The following GRID2 variants were observed in gnomAD, a reference collection of about 807,000 sequenced individuals.
The protein encoded by GRID2 is glutamate ionotropic receptor delta type subunit 2.
Under a neutral mutation model 114.8 loss-of-function variants are expected in GRID2, and 33 were observed. That is an observed-to-expected ratio of 0.29 (90% CI 0.22 to 0.38). The LOEUF (loss-of-function observed/expected upper bound fraction) is 0.38. GRID2 is among the 10% of genes least tolerant of loss of function. GRID2 has a pLI of 1.00. For missense variants in GRID2, 1,184 were observed against 1,257.7 expected, an observed-to-expected ratio of 0.94 and a Z score of 0.89; for synonymous variants, 505 against 449.9, an observed-to-expected ratio of 1.12 and a Z score of -1.55.
chr4:92,538,908 G>C (rs975607058), intron 1 of GRID2, among the ~76,000 whole-genome samples: 2 of 152,064 alleles, frequency 1.3e-5, no homozygotes, highest in African/African-American at 2.4e-5. Flanking sequence ...CAGGCATGGT[G>C]GTGGGCACCT....
chr4:93,555,255 C>G (rs1339893554), intron 13 of GRID2, among the ~76,000 whole-genome samples: 1 of 152,120 alleles, frequency 6.6e-6, no homozygotes, highest in Non-Finnish European at 1.5e-5. Context: ...GCCAGCGAGA[C>G]AGAACCTTTC....
chr4:92,701,004 A>ACAAAAC (rs1184137591), intron 2 of GRID2, among the ~76,000 whole-genome samples: 3 of 151,784 alleles, frequency 2.0e-5, no homozygotes, highest in Non-Finnish European at 4.4e-5. Flanking sequence ...AAAAAAAAAA[A>ACAAAAC]AAAAAAGACA....
rs564961961 is a variant in GRID2, at chr4:92,987,667, T to C, written c.245-97328T>C. On this transcript the variant is annotated intron_variant, in intron 2 of 15. Coordinates refer to ENST00000282020, the MANE Select transcript of GRID2 (RefSeq NM_001510.4). ...TCCTATTGATGCTAGAAAAAGTAAT[T>C]ATAGTTTTTTCTTCTAATGAGATGA... Among the ~76,000 whole-genome samples, 76 of 152,108 alleles carry C rather than the reference T, an allele frequency of 5.0e-4. 2 individuals carry two copies. The South Asian group carries it at 6.2e-3, about 12-fold the overall frequency.
At position 93,039,420 on chromosome 4, in the gene GRID2, A is replaced by G. The variant is rs190014831; in HGVS notation, c.245-45575A>G. 3.1e-3 allele frequency among the ~76,000 whole-genome samples: 476 copies of G among 152,214 alleles called. 1 individual carries two copies. Among genetic ancestry groups the G allele is most frequent in the Non-Finnish European group, 4.4e-3 (302 of 68,014 alleles). On this transcript the variant is annotated intron_variant, in intron 2 of 15. Transcript: ENST00000282020. ...CACCATGGCACATGTATACCTATTT[A>G]ACAAACCTGCACATTCTGCACATGT...
At chr4:92,328,087 CAG>C (rs976743530) in intron 1 of GRID2, among the ~76,000 whole-genome samples, 2 of 151,814 alleles carry the variant, frequency 1.3e-5, no homozygotes, top group African/African-American at 4.8e-5. Flanking sequence ...AAGATAGAGA[CAG>C]GGAGAAATGT....
intron 2 of GRID2, among the ~76,000 whole-genome samples, chr4:92,638,036 A>G (rs1186364995): frequency 6.6e-6 from 1 of 151,894 alleles, no homozygotes; most frequent in African/African-American, 2.4e-5. Flanking sequence ...AAAACTCTCC[A>G]GTTTTATTTT....
intron 4 of GRID2, among the ~76,000 whole-genome samples, chr4:93,173,205 A>AT (rs1268197249): frequency 1.3e-5 from 2 of 152,150 alleles, no homozygotes; most frequent in South Asian, 2.1e-4. Flanking sequence ...AATCCAATAG[A>AT]TTTTTTTGAC....
At chr4:93,441,862 A>AT (rs1721651831) in intron 10 of GRID2, among the ~76,000 whole-genome samples, 1 of 109,438 alleles carries the variant, frequency 9.1e-6, no homozygotes, top group Non-Finnish European at 2.1e-5. Context: ...TTAACTAAGA[A>AT]CAAAAAAAAA....
chr4:92,713,517 ATT>A (rs1491258058), intron 2 of GRID2, among the ~76,000 whole-genome samples: 12 of 126,046 alleles, frequency 9.5e-5, no homozygotes, highest in East Asian at 7.1e-4. Context: ...ATATATATAT[ATT>A]ACCAAAATTA....
In GRID2 at chr4:92,589,529, T is replaced by C. The variant is rs184017526; in HGVS notation, c.89-602T>C. Reference sequence around the variant, plus strand: ...GATAAAAAATGCTATAATTATCCATTAGGACTTACATTAGTTCCTTGAGAA... The same window carrying C: ...GATAAAAAATGCTATAATTATCCATCAGGACTTACATTAGTTCCTTGAGAA... On this transcript the variant is annotated intron_variant, in intron 1 of 15. Coordinates refer to ENST00000282020, the MANE Select transcript of GRID2 (RefSeq NM_001510.4). Among the ~76,000 whole-genome samples, 16 of 152,336 alleles carry C rather than the reference T, an allele frequency of 1.1e-4. No individual in the cohort carries two copies. In the East Asian group the frequency reaches 3.1e-3, roughly 29 times the overall value.
At chr4:92,854,209 A>T (rs565853551) in intron 2 of GRID2, among the ~76,000 whole-genome samples, 58 of 152,158 alleles carry the variant, frequency 3.8e-4, no homozygotes, top group African/African-American at 1.3e-3. Context: ...AACTAGTAGT[A>T]TGTGCTATAA....
intron 13 of GRID2, 88 bp downstream of exon 13, chr4:93,515,499 G>GT (rs1239098493): frequency 8.1e-6 from 7 of 862,834 alleles, no homozygotes; most frequent in South Asian, 1.7e-5. Context: ...TTTTTGTTTT[G>GT]TTTTTTGTTT....
At chr4:92,876,059 A>G (rs1020683814) in intron 2 of GRID2, among the ~76,000 whole-genome samples, 28 of 152,050 alleles carry the variant, frequency 1.8e-4, no homozygotes, top group African/African-American at 4.6e-4. Flanking sequence ...TCTCAATTCA[A>G]TCTCCTATAT....
At chr4:92,545,300 T>G (rs1339088065) in intron 1 of GRID2, among the ~76,000 whole-genome samples, 3 of 152,186 alleles carry the variant, frequency 2.0e-5, no homozygotes. Context: ...AAAACATGGC[T>G]TTATATTCTA....
At chr4:93,454,099 A>T (rs2149409417) in intron 10 of GRID2, among the ~76,000 whole-genome samples, 1 of 152,110 alleles carries the variant, frequency 6.6e-6, no homozygotes, top group African/African-American at 2.4e-5. Context: ...TGAAAGCAAT[A>T]TTTTTCTGCA....
At chr4:93,134,182 G>T (rs181494838) in intron 4 of GRID2, among the ~76,000 whole-genome samples, 1 of 152,160 alleles carries the variant, frequency 6.6e-6, no homozygotes, top group Admixed American at 6.5e-5. Context: ...TTCTGATTTA[G>T]GTTCTCCAAA....
intron 1 of GRID2, among the ~76,000 whole-genome samples, chr4:93,794,682 T>TTTTTG (rs1242779828): frequency 1.3e-5 from 2 of 152,228 alleles, no homozygotes; most frequent in African/African-American, 2.4e-5. Flanking sequence ...TTGCAGATAA[T>TTTTTG]TTTTGTTTTG....
chr4:92,439,356 G>T (rs1732902046), intron 1 of GRID2, among the ~76,000 whole-genome samples: 1 of 152,102 alleles, frequency 6.6e-6, no homozygotes, highest in African/African-American at 2.4e-5. Context: ...GCGTATATGT[G>T]CAAGTCACAG....
intron 8 of GRID2, among the ~76,000 whole-genome samples, chr4:93,383,000 CTT>C (rs1486942351): frequency 6.6e-6 from 1 of 152,062 alleles, no homozygotes; most frequent in East Asian, 1.9e-4. Context: ...TCTCAAGTCT[CTT>C]TTGAGCCTGC....
Sources: gnomAD v4.1 joint callset for allele counts (sites outside exome capture counted in the v4.1 genomes callset) on GRCh38, gnomAD v4.1.1 for gene constraint, MANE v1.5 for transcripts, NCBI Gene and HGNC (gene_info 2026-07-23, HGNC 2026-07-21) for gene names.